The following DOCK4 variants were observed in gnomAD, a reference collection of about 807,000 sequenced individuals.
The protein encoded by DOCK4 is dedicator of cytokinesis 4, also known as dedicator of cytokinesis protein 4.
DOCK4 carries 97 observed loss-of-function variants against 268.1 expected under a neutral mutation model. That is an observed-to-expected ratio of 0.36 (90% confidence interval 0.31 to 0.43). DOCK4 has a LOEUF of 0.43. Ranked by LOEUF, DOCK4 falls within the 20% of genes least tolerant of loss-of-function variation. The pLI is 1.00. For synonymous variants in DOCK4, 954 were observed against 887.2 expected (o/e 1.08, Z -1.34); for missense variants, 2,145 against 2,455.7 (o/e 0.87, Z 2.67).
chr7:112,108,480 G>C (rs1811333489), intron 1 of DOCK4, among the ~76,000 whole-genome samples: 1 of 152,144 alleles, frequency 6.6e-6, no homozygotes, highest in South Asian at 2.1e-4. Flanking sequence ...ATAAACAAGA[G>C]AGTGTAATAT....
intron 30 of DOCK4, among the ~76,000 whole-genome samples, chr7:111,798,244 C>G (rs377155507): frequency 1.3e-5 from 2 of 152,378 alleles, no homozygotes; most frequent in African/African-American, 4.8e-5. Flanking sequence ...GGGTTCAGGA[C>G]CAGTCTCACA....
At chr7:111,972,750 C>T (rs770410102) in intron 8 of DOCK4, among the ~76,000 whole-genome samples, 1 of 152,028 alleles carries the variant, frequency 6.6e-6, no homozygotes, top group Non-Finnish European at 1.5e-5. Context: ...TATATACATA[C>T]TACCTAGATT....
chr7:111,741,730 T>C, intron 45 of DOCK4, 69 bp from the exon 46 acceptor site: 1 of 1,551,582 alleles, frequency 6.4e-7, no homozygotes, highest in Non-Finnish European at 8.7e-7. Context: ...TGAGACAGGT[T>C]AGCATACTAG....
intron 41 of DOCK4, among the ~76,000 whole-genome samples, chr7:111,758,134 A>G (rs538105463): frequency 6.6e-6 from 1 of 152,298 alleles, no homozygotes; most frequent in Admixed American, 6.5e-5. Context: ...AACAAGCAGC[A>G]AAGATGGCAC....
At chr7:111,741,874 G>T in intron 45 of DOCK4, 139 bp downstream of exon 45, 1 of 1,307,096 alleles carries the variant, frequency 7.7e-7, no homozygotes, top group Non-Finnish European at 1.0e-6. Context: ...CAAGGCAATT[G>T]TATTTGAGGG....
chr7:112,003,051 A>G (rs1240918659), intron 2 of DOCK4, among the ~76,000 whole-genome samples: 2 of 112,322 alleles, frequency 1.8e-5, no homozygotes, highest in Admixed American at 8.9e-5. Flanking sequence ...ACTCCATCTC[A>G]AAAAAAAAAA....
chr7:111,944,424 C>A lies in DOCK4; in HGVS notation c.844+387G>T, dbSNP rs144774447. 3.8e-3 allele frequency among the ~76,000 whole-genome samples: 578 copies of A among 152,128 alleles called. 6 individuals carry two copies. Among genetic ancestry groups the A allele is most frequent in the African/African-American group, 0.013 (541 of 41,506 alleles). ...GAAGCATTCTGCACTTTGGAAAATGCCAATTTATACAGAGCCTTCATTAAC... is the reference window on the plus strand; with the variant it reads ...GAAGCATTCTGCACTTTGGAAAATGACAATTTATACAGAGCCTTCATTAAC... On this transcript the variant is annotated intron_variant, in intron 10 of 52. Transcript: ENST00000428084.
intron 30 of DOCK4, among the ~76,000 whole-genome samples, chr7:111,800,983 C>A (rs1022384775): frequency 2.0e-5 from 3 of 152,072 alleles, no homozygotes; most frequent in African/African-American, 7.2e-5. Context: ...AGCAACCGCC[C>A]GAAACATTTC....
intron 2 of DOCK4, among the ~76,000 whole-genome samples, chr7:112,002,974 C>T (rs1800549629): frequency 6.6e-6 from 1 of 150,928 alleles, no homozygotes; most frequent in Non-Finnish European, 1.5e-5. Flanking sequence ...TCACTTGAAA[C>T]CAGGAGGCAG....
rs527559720 is a variant in DOCK4 at position 111,745,354 on chromosome 7, G to C, written c.4677+980C>G. ...TCATTCATGCCTCATATTTGGAGTT[G>C]GCCTGAACTTTTCTGAGCACAGAAT... On this transcript the variant is annotated intron_variant, in intron 44 of 52. Coordinates refer to ENST00000428084, the MANE Select transcript of DOCK4 (RefSeq NM_001363540.2). Among the ~76,000 whole-genome samples, 4 of 152,172 alleles carry C rather than the reference G, an allele frequency of 2.6e-5. No homozygotes were observed. In the South Asian group the frequency reaches 8.3e-4, roughly 31 times the overall value.
At chr7:111,731,510 T>C (rs377041535) in intron 52 of DOCK4, among the ~76,000 whole-genome samples, 1 of 149,062 alleles carries the variant, frequency 6.7e-6, no homozygotes, top group South Asian at 2.2e-4. Flanking sequence ...TCTCACGTAC[T>C]GACAATCCTT....
intron 1 of DOCK4, among the ~76,000 whole-genome samples, chr7:112,085,340 A>G (rs987318438): frequency 6.6e-6 from 1 of 152,126 alleles, no homozygotes; most frequent in African/African-American, 2.4e-5. Flanking sequence ...AAAAAGAAAC[A>G]GAGGTCAAAG....
chr7:112,045,256 T>C lies in DOCK4; in HGVS notation c.38-41125A>G, dbSNP rs111350411. 2.8e-3 allele frequency among the ~76,000 whole-genome samples: 432 copies of C among 152,326 alleles called. 1 individual carries two copies. Among genetic ancestry groups the C allele is most frequent in the African/African-American group, 9.9e-3 (413 of 41,574 alleles). ...TTCCCCCAGATATTTGAGTGACTTA[T>C]CCTCTCAATTTCTTTAAGGTCTTGG... On this transcript the variant is annotated intron_variant, in intron 1 of 52. Transcript: ENST00000428084.
At chr7:111,871,567 T>A (rs927241359) in intron 20 of DOCK4, among the ~76,000 whole-genome samples, 6 of 152,184 alleles carry the variant, frequency 3.9e-5, no homozygotes, top group Non-Finnish European at 7.3e-5. Context: ...AATCCTAACA[T>A]AAATGAATGG....
chr7:111,985,798 C>T (rs1799008000), intron 6 of DOCK4, among the ~76,000 whole-genome samples: 1 of 152,118 alleles, frequency 6.6e-6, no homozygotes. Context: ...GTCCATGTTC[C>T]CCCTTGCTAC....
Position 111,741,445 on chromosome 7 carries a change from G to A in DOCK4, c.4919+95C>T, listed in dbSNP as rs559301510. On this transcript the variant is annotated intron_variant, in intron 46 of 52. Coordinates refer to ENST00000428084, the MANE Select transcript of DOCK4 (RefSeq NM_001363540.2). ...GTTAGTTATTTCATTAAGAAATAGC[G>A]TATTTGACAAATTGTGCCATAAAGA... is the stretch of plus-strand genomic sequence containing the variant. The A allele has an allele frequency of 4.3e-5, 66 of 1,521,582 alleles. No individual in the cohort carries two copies. The African/African-American group carries it at 4.6e-4, about 10-fold the overall frequency. The allele number at this position is 1,521,582 out of a possible 1,614,324, so 94.3% of individuals were successfully genotyped here.
intron 1 of DOCK4, among the ~76,000 whole-genome samples, chr7:112,150,679 T>C (rs1044229799): frequency 2.6e-5 from 4 of 152,132 alleles, no homozygotes; most frequent in African/African-American, 7.2e-5. Context: ...CAGTTTTGAA[T>C]AAAGCTCCAA....
chr7:111,745,989 G>A (rs1796240622), intron 44 of DOCK4, among the ~76,000 whole-genome samples: 1 of 152,080 alleles, frequency 6.6e-6, no homozygotes, highest in East Asian at 1.9e-4. Flanking sequence ...AGATATATAT[G>A]AAATAATAAA....
chr7:111,991,822 C>T (rs1168156219), intron 5 of DOCK4, among the ~76,000 whole-genome samples: 3 of 151,690 alleles, frequency 2.0e-5, no homozygotes, highest in African/African-American at 4.8e-5. Flanking sequence ...ATTAGCCAGG[C>T]GTGATGGTGG....
Sources: gnomAD v4.1 joint callset for allele counts (sites outside exome capture counted in the v4.1 genomes callset) on GRCh38, gnomAD v4.1.1 for gene constraint, MANE v1.5 for transcripts, NCBI Gene and HGNC (gene_info 2026-07-23, HGNC 2026-07-21) for gene names.